SLC4A1AP: variants seen among roughly 807,000 people sequenced by gnomAD.
The protein encoded by SLC4A1AP is kanadaptin.
SLC4A1AP carries 64 observed loss-of-function variants against 89.7 expected under a neutral mutation model. The ratio of observed to expected loss-of-function variants is 0.71; its 90% CI spans 0.58 to 0.88. The LOEUF (loss-of-function observed/expected upper bound fraction) is 0.88, where lower values mean the gene tolerates loss of function less well. Among genes scored for constraint, SLC4A1AP ranks in the 40% least tolerant of loss-of-function variants. The probability of loss-of-function intolerance (pLI) is 0.00; values close to 1 mark genes in which losing one functional copy is unlikely to be tolerated. For missense variants in SLC4A1AP, 931 were observed against 965.0 expected, an observed-to-expected ratio of 0.96 and a Z score of 0.47; for synonymous variants, 366 against 353.3, an observed-to-expected ratio of 1.04 and a Z score of -0.40.
chr2:27,680,859 A>G (rs936304597), intron 8 of SLC4A1AP, among the ~76,000 whole-genome samples: 1 of 151,734 alleles, frequency 6.6e-6, no homozygotes, highest in African/African-American at 2.4e-5. Context: ...AAAAACGAAA[A>G]CGAAATATGT....
At chr2:27,669,445 C>T (rs144945988) in intron 5 of SLC4A1AP, 58 bp downstream of exon 5, 352 of 1,423,074 alleles carry the variant, frequency 2.5e-4, no homozygotes, top group Non-Finnish European at 2.9e-4. Context: ...TCAACACAAA[C>T]GCTAATAAAA....
intron 5 of SLC4A1AP, among the ~76,000 whole-genome samples, chr2:27,675,057 T>A (rs1185845718): frequency 6.6e-6 from 1 of 152,202 alleles, no homozygotes; most frequent in Non-Finnish European, 1.5e-5. Flanking sequence ...TAATGAAAAA[T>A]TATTTAATAA....
intron 12 of SLC4A1AP, among the ~76,000 whole-genome samples, chr2:27,690,379 C>G (rs1021942457): frequency 6.6e-6 from 1 of 152,180 alleles, no homozygotes; most frequent in African/African-American, 2.4e-5. Flanking sequence ...TAGCTTAGCT[C>G]CCACTTATAA....
chr2:27,684,834 C>G (rs1675678365), intron 9 of SLC4A1AP, among the ~76,000 whole-genome samples: 1 of 152,160 alleles, frequency 6.6e-6, no homozygotes, highest in African/African-American at 2.4e-5. Context: ...ATCTTTGACT[C>G]TAGGAACTAA....
chr2:27,693,418 G>T (rs1015084689), intron 12 of SLC4A1AP: 7 of 413,742 alleles, frequency 1.7e-5, no homozygotes, highest in African/African-American at 2.1e-5. Flanking sequence ...TCTGGTGCAT[G>T]CCAACCTTTT....
intron 5 of SLC4A1AP, among the ~76,000 whole-genome samples, chr2:27,670,563 C>G (rs551792618): frequency 6.6e-6 from 1 of 152,140 alleles, no homozygotes; most frequent in East Asian, 1.9e-4. Context: ...TTTAAAAACA[C>G]CTGTATTTCT....
chr2:27,694,819 C>T, exon 14 of SLC4A1AP: 1 of 591,024 alleles, frequency 1.7e-6, no homozygotes, highest in Admixed American at 3.0e-5. Context: ...GTTCTGTGTT[C>T]TTGGCTTCCT....
intron 8 of SLC4A1AP, among the ~76,000 whole-genome samples, chr2:27,678,935 C>T (rs551753953): frequency 6.6e-6 from 1 of 152,136 alleles, no homozygotes; most frequent in Admixed American, 6.5e-5. Context: ...CCAAGCTGGT[C>T]TTGAACTCCT....
chr2:27,664,417 G>C (rs201608519), exon 1 of SLC4A1AP: 2 of 1,614,228 alleles, frequency 1.2e-6, no homozygotes, highest in African/African-American at 2.7e-5. Context: ...GGCCCTGACG[G>C]AGAATGCGAC....
chr2:27,677,394 T>C (rs1359553969), intron 7 of SLC4A1AP, 30 bp downstream of exon 7: 1 of 1,453,190 alleles, frequency 6.9e-7, no homozygotes, highest in Admixed American at 1.7e-5. Flanking sequence ...TTTATTAATA[T>C]ACCACATATA....
chr2:27,672,515 A>G (rs1675440789), intron 5 of SLC4A1AP, among the ~76,000 whole-genome samples: 1 of 152,094 alleles, frequency 6.6e-6, no homozygotes, highest in African/African-American at 2.4e-5. Context: ...TCCTTTTTAA[A>G]ACATAATATC....
At chr2:27,668,297 C>G (rs1207350482) in intron 3 of SLC4A1AP, among the ~76,000 whole-genome samples, 1 of 151,964 alleles carries the variant, frequency 6.6e-6, no homozygotes, top group African/African-American at 2.4e-5. Flanking sequence ...TACAGGCGCC[C>G]GCCACCACGC....
intron 5 of SLC4A1AP, among the ~76,000 whole-genome samples, chr2:27,673,702 A>G (rs757748150): frequency 1.4e-4 from 21 of 152,068 alleles, no homozygotes; most frequent in Non-Finnish European, 2.5e-4. Flanking sequence ...TCTCTTTACT[A>G]TGGTTTATTG....
chr2:27,686,618 A>G (rs1675708060), intron 10 of SLC4A1AP, among the ~76,000 whole-genome samples: 1 of 152,098 alleles, frequency 6.6e-6, no homozygotes, highest in Admixed American at 6.6e-5. Context: ...TACAGAAAAA[A>G]TTAGTTGGGC....
At chr2:27,668,804 G>A in intron 3 of SLC4A1AP, 39 bp from the exon 4 acceptor site, 1 of 1,573,560 alleles carries the variant, frequency 6.4e-7, no homozygotes. Context: ...GTAATTTTTG[G>A]ATTCTATTAA....
chr2:27,669,119 A>G, intron 4 of SLC4A1AP, 129 bp from the exon 5 acceptor site: 1 of 1,112,468 alleles, frequency 9.0e-7, no homozygotes, highest in East Asian at 2.4e-5. Context: ...CATTGGAAAG[A>G]TAGAACAAGA....
chr2:27,689,989 G>A (rs935844851), intron 12 of SLC4A1AP, among the ~76,000 whole-genome samples: 1 of 152,196 alleles, frequency 6.6e-6, no homozygotes, highest in Non-Finnish European at 1.5e-5. Flanking sequence ...CTCACTGGCT[G>A]AAAATCAGCT....
chr2:27,679,336 C>T (rs558664261), intron 8 of SLC4A1AP, among the ~76,000 whole-genome samples: 12 of 152,344 alleles, frequency 7.9e-5, no homozygotes, highest in African/African-American at 2.6e-4. Context: ...GGTGCTGCGG[C>T]TTACGCCTGT....
intron 4 of SLC4A1AP, 63 bp downstream of exon 4, chr2:27,668,966 G>T (rs1675378352): frequency 4.1e-6 from 6 of 1,452,626 alleles, no homozygotes; most frequent in Non-Finnish European, 5.7e-6. Context: ...TTAATGTATG[G>T]TTATAGATAA....
Sources: allele counts gnomAD v4.1 joint callset (sites outside exome capture counted in the v4.1 genomes callset), GRCh38; gene constraint gnomAD v4.1.1; transcripts MANE v1.5; gene names NCBI Gene and HGNC (gene_info 2026-07-23, HGNC 2026-07-21).